The following DCLK3 variants were observed in gnomAD, a reference collection of about 807,000 sequenced individuals.
DCLK3 encodes doublecortin like kinase 3.
In DCLK3, 30 loss-of-function variants were observed where a neutral mutation model predicts 46.4. That is an observed-to-expected ratio of 0.65 (90% CI 0.48 to 0.88). The LOEUF (loss-of-function observed/expected upper bound fraction) is 0.88. DCLK3 is among the 40% of genes least tolerant of loss of function. The probability of loss-of-function intolerance (pLI) is 0.00; values close to 1 mark genes in which losing one functional copy is unlikely to be tolerated. For synonymous variants in DCLK3, 401 were observed against 339.2 expected, an observed-to-expected ratio of 1.18 and a Z score of -2.00; for missense variants, 846 against 907.1, an observed-to-expected ratio of 0.93 and a Z score of 0.87.
rs200270349 is a variant in DCLK3, at chr3:36,713,262, G to GA, written c.*2065dup. On this transcript the variant is annotated 3_prime_UTR_variant, in exon 5 of 5. Transcript: ENST00000636136. Reference sequence around the variant, plus strand: ...ATACAAGAGATCCAAAGGTATAGGAGAAAAAAAAACCAGAAAAATGTGACA... The same window carrying GA: ...ATACAAGAGATCCAAAGGTATAGGAGAAAAAAAAAACCAGAAAAATGTGACA... The GA allele has an allele frequency of 0.016, 2,420 of 151,052 alleles. 32 individuals are homozygous for GA. Among genetic ancestry groups the GA allele is most frequent in the Middle Eastern group, 0.02 (6 of 294 alleles). The allele number at this position is 151,052 out of a possible 1,614,324, so 9.4% of individuals were successfully genotyped here.
chr3:36,715,619 A>G, intron 4 of DCLK3, 98 bp from the exon 5 acceptor site: 1 of 1,355,446 alleles, frequency 7.4e-7, no homozygotes, highest in Non-Finnish European at 9.8e-7. Context: ...TCACGTCAGC[A>G]CCACGGCTGG....
At chr3:36,725,377 G>A (rs539028724) in intron 2 of DCLK3, among the ~76,000 whole-genome samples, 1 of 151,742 alleles carries the variant, frequency 6.6e-6, no homozygotes, top group South Asian at 2.1e-4. Flanking sequence ...AGCTCTTTGG[G>A]AGGCCAAGGT....
rs73824462 is a variant in DCLK3 at position 36,714,475 on chromosome 3, G to A, written c.*853C>T. 0.014 allele frequency: 2,057 copies of A among 152,332 alleles called. 35 individuals are homozygous for A. The highest frequency in any genetic ancestry group is 0.039 in the African/African-American group (1,605 of 41,564). 9.4% of individuals were successfully genotyped at this position (152,332 alleles called of 1,614,324 possible). On this transcript the variant is annotated 3_prime_UTR_variant, in exon 5 of 5. Transcript: ENST00000636136. ...GGGTGTATGCCCTGCAGGTAGGAAT[G>A]TGCTTGAACTCTGAGCTCCTTCGAG...
intron 1 of DCLK3, among the ~76,000 whole-genome samples, chr3:36,740,580 G>A (rs1701334205): frequency 6.6e-6 from 1 of 152,168 alleles, no homozygotes; most frequent in East Asian, 1.9e-4. Context: ...GAATGTACAT[G>A]AATAAAACAA....
chr3:36,721,847 C>G (rs1010913342), intron 2 of DCLK3, among the ~76,000 whole-genome samples, 188 bp from the exon 3 acceptor site: 3 of 152,184 alleles, frequency 2.0e-5, no homozygotes, highest in Admixed American at 6.5e-5. Context: ...AACTTAAGAA[C>G]CAATGAGTTA....
At chr3:36,730,439 T>C (rs1162148901) in intron 2 of DCLK3, among the ~76,000 whole-genome samples, 1 of 152,242 alleles carries the variant, frequency 6.6e-6, no homozygotes. Flanking sequence ...GTGTTTGAAA[T>C]ATTAAGAATA....
intron 1 of DCLK3, among the ~76,000 whole-genome samples, chr3:36,755,325 C>G (rs1246363059): frequency 6.6e-6 from 1 of 151,938 alleles, no homozygotes; most frequent in Admixed American, 6.6e-5. Flanking sequence ...TATTACAGAG[C>G]TACAATTACA....
chr3:36,740,502 T>A (rs1701333055), intron 1 of DCLK3, among the ~76,000 whole-genome samples: 2 of 152,210 alleles, frequency 1.3e-5, no homozygotes, highest in Admixed American at 6.5e-5. Flanking sequence ...AACTTCCTTG[T>A]CCAGATGGTT....
rs560882953 is a variant in DCLK3 at position 36,762,961 on chromosome 3, A to G, written c.82+1221T>C. On this transcript the variant is annotated intron_variant, in intron 1 of 4. Transcript: ENST00000636136. ...TCTTTTCTTTTTTTTTTTCTTCCTG[A>G]GGGTCTTGCTTCTTGCTACTTTATC... Among the ~76,000 whole-genome samples, 902 of 150,398 alleles carry G rather than the reference A, an allele frequency of 6.0e-3. 10 individuals carry two copies. The highest frequency in any genetic ancestry group is 0.021 in the African/African-American group (860 of 40,842).
At chr3:36,729,084 C>T (rs1017302393) in intron 2 of DCLK3, among the ~76,000 whole-genome samples, 1 of 152,316 alleles carries the variant, frequency 6.6e-6, no homozygotes, top group East Asian at 1.9e-4. Context: ...CAGCACCAAA[C>T]GCCACACACC....
intron 1 of DCLK3, among the ~76,000 whole-genome samples, chr3:36,748,839 C>T (rs989018941): frequency 1.3e-5 from 2 of 152,158 alleles, no homozygotes; most frequent in South Asian, 4.1e-4. Flanking sequence ...AGCAGGTTGA[C>T]CCTCTTTCCT....
At chr3:36,759,544 G>A (rs1021539449) in intron 1 of DCLK3, among the ~76,000 whole-genome samples, 1 of 152,198 alleles carries the variant, frequency 6.6e-6, no homozygotes, top group Non-Finnish European at 1.5e-5. Context: ...AAGTTGATTT[G>A]TTACTGCAGC....
At chr3:36,762,357 A>G (rs887384074) in intron 1 of DCLK3, among the ~76,000 whole-genome samples, 5 of 152,236 alleles carry the variant, frequency 3.3e-5, no homozygotes, top group Admixed American at 2.0e-4. Flanking sequence ...ATCCTGAGAT[A>G]AGAATTCCTA....
intron 1 of DCLK3, among the ~76,000 whole-genome samples, chr3:36,751,405 G>A (rs1701440483): frequency 6.6e-6 from 1 of 152,210 alleles, no homozygotes; most frequent in Non-Finnish European, 1.5e-5. Flanking sequence ...AGATTGTAAT[G>A]AGATGACAGG....
intron 2 of DCLK3, among the ~76,000 whole-genome samples, chr3:36,733,928 C>A (rs1428831391): frequency 6.6e-6 from 1 of 152,182 alleles, no homozygotes; most frequent in Non-Finnish European, 1.5e-5. Context: ...GCAACACTTA[C>A]AATCAGCCAT....
Position 36,717,881 on chromosome 3 carries a change from G to C in DCLK3, c.2260+129C>G, listed in dbSNP as rs969094050. The C allele has an allele frequency of 6.2e-5, 76 of 1,220,332 alleles. No individual in the cohort carries two copies. In the African/African-American group the frequency reaches 1.1e-3, roughly 17 times the overall value. 75.6% of individuals were successfully genotyped at this position (1,220,332 alleles called of 1,614,324 possible). The stretch of plus-strand genomic sequence containing the variant: ...ACACAAACCTACATGAAGCTACTGA[G>C]GAAGTAAAGGCTGAGACATGACATG... On this transcript the variant is annotated intron_variant, in intron 4 of 4. Transcript: ENST00000636136.
At chr3:36,744,023 G>A (rs1482831773) in intron 1 of DCLK3, among the ~76,000 whole-genome samples, 1 of 152,178 alleles carries the variant, frequency 6.6e-6, no homozygotes, top group Non-Finnish European at 1.5e-5. Flanking sequence ...CACAGAATGT[G>A]GAACATATGG....
intron 2 of DCLK3, among the ~76,000 whole-genome samples, chr3:36,729,253 G>C (rs868735708): frequency 2.8e-5 from 4 of 144,088 alleles, no homozygotes; most frequent in Admixed American, 6.7e-5. Context: ...GTGTGTGGGG[G>C]GGGGGGGTAC....
intron 1 of DCLK3, among the ~76,000 whole-genome samples, chr3:36,762,074 C>T (rs1194845702): frequency 6.6e-6 from 1 of 152,144 alleles, no homozygotes; most frequent in Admixed American, 6.5e-5. Flanking sequence ...CTGAGCACCA[C>T]GCCACCATGA....
Sources: gnomAD v4.1 joint callset for allele counts (sites outside exome capture counted in the v4.1 genomes callset) on GRCh38, gnomAD v4.1.1 for gene constraint, MANE v1.5 for transcripts, NCBI Gene and HGNC (gene_info 2026-07-23, HGNC 2026-07-21) for gene names.